PRKG2: variants seen among roughly 807,000 people sequenced by gnomAD.
PRKG2 encodes cGMP-dependent protein kinase 2.
Under a neutral mutation model 97.2 loss-of-function variants are expected in PRKG2, and 33 were observed. That is an observed-to-expected ratio of 0.34 (90% CI 0.26 to 0.45). The LOEUF (loss-of-function observed/expected upper bound fraction) is 0.45, where lower values mean the gene tolerates loss of function less well. Ranked by LOEUF, PRKG2 falls within the 20% of genes least tolerant of loss-of-function variation. The pLI, the probability that PRKG2 is intolerant of heterozygous loss-of-function variation, is 1.00. For synonymous variants in PRKG2, 330 were observed against 321.8 expected (o/e 1.03, Z -0.27); for missense variants, 638 against 900.0 (o/e 0.71, Z 3.73).
chr4:81,173,101 G>C (rs1011512238), intron 3 of PRKG2, among the ~76,000 whole-genome samples: 1 of 152,112 alleles, frequency 6.6e-6, no homozygotes, highest in African/African-American at 2.4e-5. Flanking sequence ...GAGCAATGCT[G>C]AAGAATTATA....
At chr4:81,093,982 C>A (rs978581283) in intron 17 of PRKG2, among the ~76,000 whole-genome samples, 4 of 152,138 alleles carry the variant, frequency 2.6e-5, no homozygotes, top group Non-Finnish European at 5.9e-5. Context: ...TGGTCTCAGG[C>A]ATCAAAAAAT....
intron 2 of PRKG2, among the ~76,000 whole-genome samples, chr4:81,196,196 T>C (rs1220146187): frequency 6.6e-6 from 1 of 152,120 alleles, no homozygotes; most frequent in Non-Finnish European, 1.5e-5. Context: ...CCACAAGGAA[T>C]TGAATTTGGC....
chr4:81,185,880 C>T (rs532317180), intron 2 of PRKG2, among the ~76,000 whole-genome samples: 108 of 152,238 alleles, frequency 7.1e-4, no homozygotes, highest in African/African-American at 2.5e-3. Context: ...CAAAGAAGAG[C>T]ATTACATAAT....
chr4:81,100,409 G>A (rs557910729), intron 17 of PRKG2, among the ~76,000 whole-genome samples: 23 of 152,118 alleles, frequency 1.5e-4, no homozygotes, highest in East Asian at 3.9e-4. Context: ...AAATAATGCC[G>A]CACATCTACA....
At chr4:81,181,259 GT>G (rs1186447112) in intron 2 of PRKG2, among the ~76,000 whole-genome samples, 1 of 151,878 alleles carries the variant, frequency 6.6e-6, no homozygotes, top group Admixed American at 6.6e-5. Context: ...ATCCTCAAAT[GT>G]TTGAGAATTG....
At chr4:81,200,072 T>C (rs1753207572) in intron 2 of PRKG2, among the ~76,000 whole-genome samples, 2 of 152,236 alleles carry the variant, frequency 1.3e-5, no homozygotes, top group South Asian at 2.1e-4. Flanking sequence ...ACATTCAGCA[T>C]GAGCTCCTAT....
At chr4:81,176,792 T>C in intron 2 of PRKG2, among the ~76,000 whole-genome samples, 1 of 152,206 alleles carries the variant, frequency 6.6e-6, no homozygotes, top group Non-Finnish European at 1.5e-5. Context: ...TTGGTTTAAC[T>C]TCTTTCTTTT....
chr4:81,110,650 A>C, intron 14 of PRKG2, 39 bp from the exon 15 acceptor site: 1 of 1,608,552 alleles, frequency 6.2e-7, no homozygotes, highest in Non-Finnish European at 8.5e-7. Context: ...AGAAACCATA[A>C]AACTCATGCT....
In PRKG2 at chr4:81,169,673, A is replaced by G; in HGVS notation, c.838T>C (p.Phe280Leu). The G allele has an allele frequency of 6.3e-7, 1 of 1,595,206 alleles. No individual in the cohort carries two copies. The change falls in exon 5 of 19, where the codon TTC becomes CTC. Residue 280 changes from phenylalanine (F) to leucine (L), a missense_variant. Coordinates refer to ENST00000264399, the MANE Select transcript of PRKG2 (RefSeq NM_006259.3). ...ATGTATTATTCTTACCTTCTGAGGA[A>G]GTTTCTGTATTGTTCATCTCTAGCT... The part of the protein sequence containing the change: ...AQARDEQYRN[F>L]LRSVSLLKNL...
At chr4:81,207,917 T>C (rs566490250) in intron 1 of PRKG2, among the ~76,000 whole-genome samples, 48 of 152,294 alleles carry the variant, frequency 3.2e-4, no homozygotes, top group Middle Eastern at 3.4e-3. Flanking sequence ...CCTGTATCAG[T>C]CACTAAGATA....
rs528809558 is a variant in PRKG2 at position 81,189,668 on chromosome 4, G to A, written c.462-14709C>T. ...GGAGATATACCTAATGCTAAATGAC[G>A]AGTTAATGGGTGCAGCACACCAGCC... On this transcript the variant is annotated intron_variant, in intron 2 of 18. Coordinates refer to ENST00000264399, the MANE Select transcript of PRKG2 (RefSeq NM_006259.3). 9.2e-5 allele frequency among the ~76,000 whole-genome samples: 14 copies of A among 151,494 alleles called. No individual in the cohort carries two copies. In the South Asian group the frequency reaches 2.7e-3, roughly 29 times the overall value.
At chr4:81,186,642 AAG>A (rs1751905761) in intron 2 of PRKG2, among the ~76,000 whole-genome samples, 1 of 151,964 alleles carries the variant, frequency 6.6e-6, no homozygotes, top group Non-Finnish European at 1.5e-5. Context: ...CTGAAGGAGA[AAG>A]AGACATGAAA....
intron 8 of PRKG2, among the ~76,000 whole-genome samples, chr4:81,150,980 A>AT (rs1051684973): frequency 2.0e-5 from 3 of 152,016 alleles, no homozygotes; most frequent in African/African-American, 7.2e-5. Context: ...CTAAAACTTT[A>AT]TTTTTTTGGT....
intron 18 of PRKG2, among the ~76,000 whole-genome samples, 188 bp downstream of exon 18, chr4:81,092,198 G>A (rs1349843209): frequency 6.6e-6 from 1 of 151,746 alleles, no homozygotes; most frequent in Admixed American, 6.6e-5. Context: ...ATATCCATCA[G>A]CTAGGCAGTA....
At chr4:81,196,012 A>T (rs958178586) in intron 2 of PRKG2, among the ~76,000 whole-genome samples, 7 of 152,098 alleles carry the variant, frequency 4.6e-5, no homozygotes, top group African/African-American at 1.7e-4. Context: ...GTTATATAAG[A>T]CTTCATCTTA....
At chr4:81,155,050 C>T (rs1229646248) in intron 6 of PRKG2, among the ~76,000 whole-genome samples, 8 of 149,886 alleles carry the variant, frequency 5.3e-5, no homozygotes, top group Non-Finnish European at 1.2e-4. Context: ...TAGTGGCGGG[C>T]GCCTGTAGTC....
chr4:81,181,331 T>C (rs1377374110), intron 2 of PRKG2, among the ~76,000 whole-genome samples: 1 of 152,020 alleles, frequency 6.6e-6, no homozygotes, highest in Admixed American at 6.5e-5. Flanking sequence ...AGCCAAATCA[T>C]ATTTTGAAAT....
intron 9 of PRKG2, among the ~76,000 whole-genome samples, chr4:81,148,277 G>A (rs1270590306): frequency 1.3e-5 from 2 of 152,014 alleles, no homozygotes; most frequent in Non-Finnish European, 2.9e-5. Flanking sequence ...TTGTCAAGTA[G>A]ATAACCAGAA....
At chr4:81,102,276 G>A (rs1009952338) in intron 17 of PRKG2, among the ~76,000 whole-genome samples, 7 of 152,166 alleles carry the variant, frequency 4.6e-5, no homozygotes, top group African/African-American at 1.7e-4. Flanking sequence ...ACATTTAAAT[G>A]AGCCTCAGGT....
Sources: gnomAD v4.1 joint callset for allele counts (sites outside exome capture counted in the v4.1 genomes callset) on GRCh38, gnomAD v4.1.1 for gene constraint, MANE v1.5 for transcripts, NCBI Gene and HGNC (gene_info 2026-07-23, HGNC 2026-07-21) for gene names.